Variants in TFPI observed in about 807,000 individuals in gnomAD.
TFPI encodes the protein tissue factor pathway inhibitor, also known as anti-convertin.
A neutral mutation model predicts 34.6 loss-of-function variants in TFPI; 15 were observed. The ratio of observed to expected loss-of-function variants is 0.43; its 90% CI spans 0.29 to 0.67. The LOEUF is 0.67. TFPI is among the 30% of genes least tolerant of loss of function. The pLI is 0.15. For missense variants in TFPI, 301 were observed against 364.0 expected, an observed-to-expected ratio of 0.83 and a Z score of 1.41; for synonymous variants, 105 against 120.1, an observed-to-expected ratio of 0.87 and a Z score of 0.82.
chr2:187,476,496 T>C (rs986598734), intron 6 of TFPI, among the ~76,000 whole-genome samples: 2 of 152,000 alleles, frequency 1.3e-5, no homozygotes, highest in African/African-American at 4.8e-5. Context: ...CAGGCCACCA[T>C]ACTGAGCTAA....
chr2:187,544,373 G>A (rs1688738391), intron 1 of TFPI: 1 of 152,036 alleles, frequency 6.6e-6, no homozygotes, highest in South Asian at 2.1e-4. Context: ...TAATTTTAAA[G>A]TGTATAATAT....
intron 2 of TFPI, among the ~76,000 whole-genome samples, chr2:187,497,298 A>C (rs955894766): frequency 6.6e-6 from 1 of 152,068 alleles, no homozygotes; most frequent in Non-Finnish European, 1.5e-5. Context: ...TATTGCTTAA[A>C]TCGTACCAAC....
rs150858543 is a variant in TFPI at position 187,551,411 on chromosome 2, C to G, written c.-3+2789G>C. On this transcript the variant is annotated intron_variant, in intron 1 of 7. Transcript: ENST00000233156. ...TGGATTTGACATGGGCCCATACTTT[C>G]TGTTATTGTCGGTTTGAGGAAGAAG... Among the ~76,000 whole-genome samples, 606 of 152,192 alleles carry G rather than the reference C, an allele frequency of 4.0e-3. 2 individuals carry two copies. The highest frequency in any genetic ancestry group is 0.013 in the African/African-American group (557 of 41,522).
At chr2:187,503,570 G>A (rs1181651162) in intron 2 of TFPI, 78 bp downstream of exon 2, 1 of 1,519,326 alleles carries the variant, frequency 6.6e-7, no homozygotes, top group Non-Finnish European at 8.9e-7. Flanking sequence ...CTCCACAATG[G>A]AAAACTATGG....
rs1167351364 is a variant in TFPI at position 187,484,899 on chromosome 2, C to T, written c.447G>A (p.Gln149=). Reference sequence around the variant, plus strand: ...ATCCACCATACTTGAAACGTTCACACTGTTTTGTCTGATTGTTATAAAAAT... The same window carrying T: ...ATCCACCATACTTGAAACGTTCACATTGTTTTGTCTGATTGTTATAAAAAT... ...TRYFYNNQTK[Q]CERFKYGGCL... The change falls in exon 5 of 8, where the codon CAG becomes CAA. Residue 149 remains glutamine, a synonymous_variant. Transcript: ENST00000233156. 3 of 1,591,780 alleles carry T rather than the reference C, an allele frequency of 1.9e-6. No homozygotes were observed. The highest frequency in any genetic ancestry group is 2.6e-6 in the Non-Finnish European group (3 of 1,171,726).
At chr2:187,488,256 C>T (rs1328143032) in intron 4 of TFPI, 81 bp downstream of exon 4, 2 of 1,204,408 alleles carry the variant, frequency 1.7e-6, no homozygotes, top group Middle Eastern at 1.9e-4. Flanking sequence ...CCAGAAAAAA[C>T]AAACAAGCAA....
At chr2:187,484,644 C>G (rs563792941) in intron 5 of TFPI, 167 bp downstream of exon 5, 12 of 557,238 alleles carry the variant, frequency 2.2e-5, no homozygotes, top group Non-Finnish European at 3.3e-5. Context: ...TCTTAATTTT[C>G]TGTGCTTTTT....
chr2:187,513,011 G>T (rs887803524), intron 1 of TFPI, among the ~76,000 whole-genome samples: 1 of 152,072 alleles, frequency 6.6e-6, no homozygotes, highest in African/African-American at 2.4e-5. Flanking sequence ...AACTATTGAA[G>T]AAACAGTTTA....
intron 1 of TFPI, among the ~76,000 whole-genome samples, chr2:187,543,556 C>T (rs1688692337): frequency 6.6e-6 from 1 of 152,174 alleles, no homozygotes; most frequent in African/African-American, 2.4e-5. Context: ...GTTTAGTCAT[C>T]TGGTTTGTTT....
chr2:187,475,454 T>A (rs1692317028), intron 6 of TFPI, among the ~76,000 whole-genome samples: 1 of 152,186 alleles, frequency 6.6e-6, no homozygotes, highest in Admixed American at 6.6e-5. Flanking sequence ...CAAATAGTAC[T>A]CATTTTTTGA....
rs151028147 is a variant in TFPI at position 187,466,534 on chromosome 2, C to A, written c.*402G>T. On this transcript the variant is annotated 3_prime_UTR_variant, in exon 8 of 8. Transcript: ENST00000233156. ...TTTTATATGTGAAACTCAGGAAGTT[C>A]TTGATTTTTTAAGAGCTGTATTCCT... is the stretch of plus-strand genomic sequence containing the variant. 3 of 152,590 alleles carry A rather than the reference C, an allele frequency of 2.0e-5. No homozygotes were observed. Among genetic ancestry groups the A allele is most frequent in the Non-Finnish European group, 4.4e-5 (3 of 68,404 alleles). 9.5% of individuals were successfully genotyped at this position (152,590 alleles called of 1,614,324 possible).
At position 187,465,759 on chromosome 2, in the gene TFPI, C is replaced by G. The variant is rs569694623; in HGVS notation, c.*1177G>C. ...AAGCTAGTCATGAAGCTAGTCATAC[C>G]AAATGAATGAAATGGTTGTTTCTAA... is the stretch of plus-strand genomic sequence containing the variant. On this transcript the variant is annotated 3_prime_UTR_variant, in exon 8 of 8. Transcript: ENST00000233156. The G allele has an allele frequency of 6.6e-6, 1 of 152,004 alleles. No homozygotes were observed. Among genetic ancestry groups the G allele is most frequent in the Non-Finnish European group, 1.5e-5 (1 of 67,958 alleles). The allele number at this position is 152,004 out of a possible 1,614,324, so 9.4% of individuals were successfully genotyped here.
intron 3 of TFPI, among the ~76,000 whole-genome samples, chr2:187,490,840 AT>A (rs1685075248): frequency 6.6e-6 from 1 of 151,530 alleles, no homozygotes; most frequent in Admixed American, 6.6e-5. Flanking sequence ...GTAATTGAAT[AT>A]TTTAATAATA....
Position 187,539,696 on chromosome 2 carries a change from A to G in TFPI, c.-3+14504T>C, listed in dbSNP as rs538905070. 1.4e-4 allele frequency among the ~76,000 whole-genome samples: 21 copies of G among 152,300 alleles called. No individual in the cohort carries two copies. In the South Asian group the frequency reaches 3.5e-3, roughly 26 times the overall value. The stretch of plus-strand genomic sequence containing the variant: ...AGAGAGCTAGAAAAAAAATTGGTCC[A>G]TTTGTTTTCAAAAGGCTAGATGTGA... On this transcript the variant is annotated intron_variant, in intron 1 of 7. Coordinates refer to ENST00000233156, the MANE Select transcript of TFPI (RefSeq NM_006287.6).
intron 1 of TFPI, among the ~76,000 whole-genome samples, chr2:187,504,926 A>G (rs962165133): frequency 2.0e-5 from 3 of 152,082 alleles, no homozygotes. Flanking sequence ...TAAAATCACT[A>G]GTGAGATACA....
At chr2:187,521,848 T>C (rs1687393081) in intron 1 of TFPI, among the ~76,000 whole-genome samples, 2 of 152,120 alleles carry the variant, frequency 1.3e-5, no homozygotes, top group Admixed American at 1.3e-4. Flanking sequence ...ATTACAAGCG[T>C]GAGCCACTGC....
rs569675417 is a variant in TFPI, at chr2:187,466,312, C to G, written c.*624G>C. 6.6e-5 allele frequency: 10 copies of G among 152,046 alleles called. No individual in the cohort carries two copies. The South Asian group carries it at 2.1e-3, about 32-fold the overall frequency. 9.4% of individuals were successfully genotyped at this position (152,046 alleles called of 1,614,324 possible). On this transcript the variant is annotated 3_prime_UTR_variant, in exon 8 of 8. Coordinates refer to ENST00000233156, the MANE Select transcript of TFPI (RefSeq NM_006287.6). Reference sequence around the variant, plus strand: ...AAACAAAAAAAAAAGTGAAACCAATCCAAATCAGGCAGGCACATGATGCAG... The same window carrying G: ...AAACAAAAAAAAAAGTGAAACCAATGCAAATCAGGCAGGCACATGATGCAG...
intron 1 of TFPI, among the ~76,000 whole-genome samples, chr2:187,532,982 C>T (rs915393954): frequency 6.6e-6 from 1 of 150,780 alleles, no homozygotes; most frequent in African/African-American, 2.4e-5. Flanking sequence ...AGCACAGCTC[C>T]TCAAACCCAC....
chr2:187,508,928 G>A (rs1033547977), intron 1 of TFPI, among the ~76,000 whole-genome samples: 1 of 152,116 alleles, frequency 6.6e-6, no homozygotes, highest in Admixed American at 6.5e-5. Flanking sequence ...TATTGGCTGT[G>A]AGTTTGTCAT....
Sources: gnomAD v4.1 joint callset for allele counts (sites outside exome capture counted in the v4.1 genomes callset) on GRCh38, gnomAD v4.1.1 for gene constraint, MANE v1.5 for transcripts, NCBI Gene and HGNC (gene_info 2026-07-23, HGNC 2026-07-21) for gene names.